Variants in YAP1 observed in about 807,000 individuals in gnomAD.
YAP1 encodes the protein Yes1 associated transcriptional regulator.
Under a neutral mutation model 56.9 loss-of-function variants are expected in YAP1, and 5 were observed. That is an observed-to-expected ratio of 0.09 (90% CI 0.05 to 0.18). YAP1 has a LOEUF of 0.18. Among genes scored for constraint, YAP1 ranks in the 10% least tolerant of loss-of-function variants. The pLI is 1.00. For missense variants in YAP1, 539 were observed against 651.8 expected, an observed-to-expected ratio of 0.83 and a Z score of 1.88; for synonymous variants, 265 against 248.1, an observed-to-expected ratio of 1.07 and a Z score of -0.64.
intron 8 of YAP1, 118 bp from the exon 9 acceptor site, chr11:102,229,583 TC>T: frequency 1.2e-6 from 1 of 801,074 alleles, no homozygotes; most frequent in East Asian, 2.5e-5. Flanking sequence ...ATTCTAGGTA[TC>T]AGTTTAGGTC....
In YAP1 at chr11:102,212,909, G is replaced by A. The variant is rs558581096; in HGVS notation, c.1032+3345G>A. Reference sequence around the variant, plus strand: ...GAGCTTAACATTTTAATTTCATTTTGGTTACTTATGATTTTTATGTTTCAA... The same window carrying A: ...GAGCTTAACATTTTAATTTCATTTTAGTTACTTATGATTTTTATGTTTCAA... On this transcript the variant is annotated intron_variant, in intron 6 of 8. Coordinates refer to ENST00000282441, the MANE Select transcript of YAP1 (RefSeq NM_001130145.3). 2.0e-5 allele frequency among the ~76,000 whole-genome samples: 3 copies of A among 152,224 alleles called. No homozygotes were observed. The South Asian group carries it at 6.2e-4, about 32-fold the overall frequency.
At chr11:102,140,450 A>AC (rs1944950578) in intron 2 of YAP1, among the ~76,000 whole-genome samples, 1 of 152,182 alleles carries the variant, frequency 6.6e-6, no homozygotes, top group African/African-American at 2.4e-5. Flanking sequence ...CTGTTTCAGT[A>AC]CCCCCCATGC....
At chr11:102,190,893 T>C (rs964912256) in intron 4 of YAP1, among the ~76,000 whole-genome samples, 6 of 151,810 alleles carry the variant, frequency 4.0e-5, no homozygotes, top group African/African-American at 1.5e-4. Context: ...GCTAAGATGG[T>C]GCACTGCATT....
chr11:102,206,105 A>G (rs1031733053), intron 5 of YAP1, 31 bp downstream of exon 5: 1 of 1,588,726 alleles, frequency 6.3e-7, no homozygotes, highest in Non-Finnish European at 8.6e-7. Context: ...CCAGCCTTCC[A>G]CTTTTGGGGG....
chr11:102,168,128 T>C (rs58588463), intron 3 of YAP1, among the ~76,000 whole-genome samples: 1,616 of 152,280 alleles, frequency 0.011, 33 homozygotes, highest in African/African-American at 0.037. Flanking sequence ...TCTCCCCATA[T>C]TGAGAGTTAG....
intron 3 of YAP1, among the ~76,000 whole-genome samples, chr11:102,184,459 G>T (rs920359387): frequency 6.6e-6 from 1 of 152,308 alleles, no homozygotes; most frequent in East Asian, 1.9e-4. Context: ...GACTTGGTTA[G>T]TAGTGTGTAC....
chr11:102,209,824 G>A (rs1028643734), intron 6 of YAP1, among the ~76,000 whole-genome samples: 8 of 152,066 alleles, frequency 5.3e-5, no homozygotes, highest in African/African-American at 1.9e-4. Flanking sequence ...ATATTTAAAT[G>A]TATTGTGTCT....
intron 2 of YAP1, among the ~76,000 whole-genome samples, chr11:102,161,380 AC>A (rs1946279008): frequency 6.6e-6 from 1 of 150,792 alleles, no homozygotes; most frequent in South Asian, 2.1e-4. Flanking sequence ...ACACACACAC[AC>A]ACACACTAAA....
At chr11:102,123,923 G>A (rs561421715) in intron 2 of YAP1, among the ~76,000 whole-genome samples, 14 of 151,042 alleles carry the variant, frequency 9.3e-5, no homozygotes, top group Non-Finnish European at 1.9e-4. Flanking sequence ...CACCATGCCC[G>A]GCCACTCCAT....
At chr11:102,165,653 C>A (rs1041628266) in intron 3 of YAP1, among the ~76,000 whole-genome samples, 13 of 152,062 alleles carry the variant, frequency 8.5e-5, no homozygotes, top group Admixed American at 7.9e-4. Context: ...AGGTATTTAA[C>A]AATAATAATA....
At chr11:102,158,952 ATT>A (rs1430487706) in intron 2 of YAP1, among the ~76,000 whole-genome samples, 3 of 152,218 alleles carry the variant, frequency 2.0e-5, no homozygotes, top group African/African-American at 7.2e-5. Flanking sequence ...CTTAAGAAAT[ATT>A]GTTTATTCTT....
chr11:102,151,931 C>T (rs1945681364), intron 2 of YAP1, among the ~76,000 whole-genome samples: 1 of 152,194 alleles, frequency 6.6e-6, no homozygotes, highest in Non-Finnish European at 1.5e-5. Context: ...GAGGAGCACT[C>T]ATCCCATAAG....
At chr11:102,135,395 A>G (rs1438958770) in intron 2 of YAP1, among the ~76,000 whole-genome samples, 1 of 152,176 alleles carries the variant, frequency 6.6e-6, no homozygotes, top group African/African-American at 2.4e-5. Context: ...GATGGAGGTC[A>G]CTCAGTGCCA....
chr11:102,217,720 C>T (rs536009532), intron 6 of YAP1, among the ~76,000 whole-genome samples: 32 of 151,538 alleles, frequency 2.1e-4, no homozygotes, highest in African/African-American at 6.8e-4. Context: ...GATGGAGGTT[C>T]GTTCTTATTG....
At chr11:102,118,057 C>T (rs929249269) in intron 2 of YAP1, among the ~76,000 whole-genome samples, 1 of 152,104 alleles carries the variant, frequency 6.6e-6, no homozygotes, top group Admixed American at 6.5e-5. Flanking sequence ...ACTCTGATGC[C>T]TTATAACTAT....
At chr11:102,120,204 C>T (rs1472301781) in intron 2 of YAP1, among the ~76,000 whole-genome samples, 1 of 152,166 alleles carries the variant, frequency 6.6e-6, no homozygotes, top group African/African-American at 2.4e-5. Context: ...GTACTGCCAC[C>T]GTGGAAGCAC....
chr11:102,172,392 G>A (rs2135442952), intron 3 of YAP1, among the ~76,000 whole-genome samples: 1 of 136,868 alleles, frequency 7.3e-6, no homozygotes, highest in South Asian at 2.3e-4. Flanking sequence ...GCTCATTGCA[G>A]CTTCAACTTC....
At chr11:102,113,100 G>A (rs951761531) in intron 1 of YAP1, among the ~76,000 whole-genome samples, 1 of 152,110 alleles carries the variant, frequency 6.6e-6, no homozygotes, top group Non-Finnish European at 1.5e-5. Flanking sequence ...ACTCAAAAAG[G>A]TGTATCACTT....
chr11:102,171,116 CTT>C (rs1946877903), intron 3 of YAP1, among the ~76,000 whole-genome samples: 1 of 152,046 alleles, frequency 6.6e-6, no homozygotes, highest in Admixed American at 6.5e-5. Flanking sequence ...TTTTTGGAAA[CTT>C]TGCTCAGCTT....
Sources: allele counts gnomAD v4.1 joint callset (sites outside exome capture counted in the v4.1 genomes callset), GRCh38; gene constraint gnomAD v4.1.1; transcripts MANE v1.5; gene names NCBI Gene and HGNC (gene_info 2026-07-23, HGNC 2026-07-21).